The following PTCD1 variants were observed in gnomAD, a reference collection of about 807,000 sequenced individuals.
PTCD1 encodes pentatricopeptide repeat domain 1.
PTCD1 carries 50 observed loss-of-function variants against 53.4 expected under a neutral mutation model. That is an observed-to-expected ratio of 0.94 (90% CI 0.75 to 1.19). The LOEUF (loss-of-function observed/expected upper bound fraction) is 1.19, where lower values mean the gene tolerates loss of function less well. Ranked by LOEUF, PTCD1 falls within the 50% of genes most tolerant of loss-of-function variation. PTCD1 has a pLI of 0.00. For missense variants in PTCD1, 918 were observed against 904.8 expected (o/e 1.01, Z -0.19); for synonymous variants, 413 against 394.8 (o/e 1.05, Z -0.55).
chr7:99,433,719 A>G (rs1288357613), intron 2 of PTCD1, among the ~76,000 whole-genome samples: 2 of 152,200 alleles, frequency 1.3e-5, no homozygotes, highest in Admixed American at 6.5e-5. Flanking sequence ...GGCTGGGAAC[A>G]AGAGAGAGCT....
In PTCD1 at chr7:99,424,864, C is replaced by G; in HGVS notation, c.1668G>C (p.Gln556His). ...ACCCGATGGCCAGGTTGCAGAATGT[C>G]TGCAGGTTGGGGACGAGGCCCCTCT... ...LAKRGLVPNL[Q>H]TFCNLAIGCH... is the part of the protein sequence containing the mutation. Residue 556 changes from glutamine (Q) to histidine (H), a missense_variant, in exon 6 of 8, where the codon CAG (glutamine) becomes CAC (histidine). Gln to His is a conservative substitution (Grantham distance 24). Coordinates refer to ENST00000292478, the MANE Select transcript of PTCD1 (RefSeq NM_015545.4). The G allele has an allele frequency of 6.2e-7, 1 of 1,614,266 alleles. No homozygotes were observed. The highest frequency in any genetic ancestry group is 2.2e-5 in the East Asian group (1 of 44,890).
rs771063086 is a variant in PTCD1 at position 99,424,772 on chromosome 7, T to C, written c.1737+23A>G. ...GTGCTCCTGAGCACCATGGGTGTCCTGCCCAGGCCCGAGTCCACTCACCTT... is the reference window on the plus strand; with the variant it reads ...GTGCTCCTGAGCACCATGGGTGTCCCGCCCAGGCCCGAGTCCACTCACCTT... On this transcript the variant is annotated intron_variant, in intron 6 of 7. Transcript: ENST00000292478. The C allele has an allele frequency of 5.4e-5, 87 of 1,613,432 alleles. No individual in the cohort carries two copies. The South Asian group carries it at 9.4e-4, about 17-fold the overall frequency.
rs769600923 is a variant in PTCD1, at chr7:99,423,843, C to T, written c.1852G>A (p.Val618Ile). Residue 618 changes from valine (V) to isoleucine (I), a missense_variant, in exon 7 of 8, where the codon GTC becomes ATC. Transcript: ENST00000292478. ...CGGATGACCACTTCGTTCACCGGGA[C>T]CCTGTTCTGCTTCATGTCCTTCAAG... ...SILKDMKQNR[V>I]PVNEVVIRQL... 5.3e-5 allele frequency: 86 copies of T among 1,614,044 alleles called. No individual in the cohort carries two copies. Among genetic ancestry groups the T allele is most frequent in the Middle Eastern group, 1.6e-4 (1 of 6,084 alleles).
intron 5 of PTCD1, among the ~76,000 whole-genome samples, chr7:99,426,976 C>G (rs987041211): frequency 1.3e-5 from 2 of 151,338 alleles, no homozygotes; most frequent in Non-Finnish European, 2.9e-5. Flanking sequence ...GCCCCTCCGC[C>G]TGGCAGCCGC....
chr7:99,436,480 C>G (rs1796470137), intron 1 of PTCD1, among the ~76,000 whole-genome samples: 1 of 152,030 alleles, frequency 6.6e-6, no homozygotes, highest in African/African-American at 2.4e-5. Flanking sequence ...CTGGGCGTGA[C>G]AGCGTGCCCC....
intron 3 of PTCD1, among the ~76,000 whole-genome samples, chr7:99,430,616 T>C (rs1017650676): frequency 6.6e-6 from 1 of 152,134 alleles, no homozygotes; most frequent in Non-Finnish European, 1.5e-5. Context: ...AGTCCCTACT[T>C]TGAGGATGAT....
rs925841362 is a variant in PTCD1 at position 99,423,711 on chromosome 7, G to A, written c.1920+64C>T. 41 of 1,609,960 alleles carry A rather than the reference G, an allele frequency of 2.5e-5. No individual in the cohort carries two copies. The Admixed American group carries it at 5.0e-4, about 20-fold the overall frequency. On this transcript the variant is annotated intron_variant, in intron 7 of 7. Transcript: ENST00000292478. ...TCCCAAGGGCCAGAACCGGGGTTGG[G>A]TGGTGGGGGGAGGGGGTAGCAATGG... is the stretch of plus-strand genomic sequence containing the variant.
intron 5 of PTCD1, among the ~76,000 whole-genome samples, chr7:99,427,390 C>A (rs1326363357): frequency 7.0e-6 from 1 of 142,772 alleles, no homozygotes; most frequent in East Asian, 2.2e-4. Context: ...CCGCCCCGTC[C>A]GGGAGGTGAG....
chr7:99,429,900 C>T (rs1796195761), intron 3 of PTCD1, 94 bp from the exon 4 acceptor site: 6 of 1,475,594 alleles, frequency 4.1e-6, no homozygotes, highest in Non-Finnish European at 5.6e-6. Context: ...GGAGAGGACC[C>T]CGTCACTGCA....
chr7:99,426,138 T>C (rs1445388280), intron 5 of PTCD1, among the ~76,000 whole-genome samples: 27 of 105,258 alleles, frequency 2.6e-4, no homozygotes, highest in Non-Finnish European at 4.8e-4. Context: ...CCTCTCCCCA[T>C]GGTCTCCCTC....
At chr7:99,427,643 G>A (rs1796104561) in intron 5 of PTCD1, among the ~76,000 whole-genome samples, 1 of 152,220 alleles carries the variant, frequency 6.6e-6, no homozygotes, top group Non-Finnish European at 1.5e-5. Context: ...GATGACAGTG[G>A]CGGTTTTGTG....
At chr7:99,429,357 C>CT (rs1796174311) in intron 4 of PTCD1, among the ~76,000 whole-genome samples, 153 bp from the exon 5 acceptor site, 1 of 152,164 alleles carries the variant, frequency 6.6e-6, no homozygotes, top group South Asian at 2.1e-4. Flanking sequence ...TAGCAAGACC[C>CT]TGTCTCTAGG....
rs765833081 is a variant in PTCD1, at chr7:99,424,884, C to T, written c.1648G>A (p.Gly550Ser). ...KALLPVLAKR[G>S]LVPNLQTFCN... ...AATGTCTGCAGGTTGGGGACGAGGC[C>T]CCTCTTTGCCAGGACCGGCAACAGC... The change falls in exon 6 of 8, where the codon GGC (glycine) becomes AGC (serine). Residue 550 changes from glycine (G) to serine (S), a missense_variant. Gly to Ser is a moderately conservative substitution (Grantham distance 56, BLOSUM62 0). Coordinates refer to ENST00000292478, the MANE Select transcript of PTCD1 (RefSeq NM_015545.4). 9 of 1,614,148 alleles carry T rather than the reference C, an allele frequency of 5.6e-6. No homozygotes were observed. Among genetic ancestry groups the T allele is most frequent in the African/African-American group, 4.0e-5 (3 of 74,948 alleles).
rs750070645 is a variant in PTCD1, at chr7:99,419,359, T to C, written c.*608A>G. 1 of 1,611,878 alleles carries C rather than the reference T, an allele frequency of 6.2e-7. No homozygotes were observed. The highest frequency in any genetic ancestry group is 8.5e-7 in the Non-Finnish European group (1 of 1,179,548). On this transcript the variant is annotated 3_prime_UTR_variant, in exon 8 of 8. Coordinates refer to ENST00000292478, the MANE Select transcript of PTCD1 (RefSeq NM_015545.4). ...GTGTGCAGGGGCGAGCGTGGCGCAGTGGCATCGTCTCACTGTCCTCCTCCG... is the reference window on the plus strand; with the variant it reads ...GTGTGCAGGGGCGAGCGTGGCGCAGCGGCATCGTCTCACTGTCCTCCTCCG...
At chr7:99,427,418 CGCCCCTACTGGGAAGTGAGGA>C (rs1796090217) in intron 5 of PTCD1, among the ~76,000 whole-genome samples, 1 of 148,092 alleles carries the variant, frequency 6.8e-6, no homozygotes, top group South Asian at 2.1e-4. Context: ...TCTGCCCGGC[CGCCCCTACTGGGAAGTGAGGA>C]GCCCCTCTGC....
Position 99,418,337 on chromosome 7 carries a change from C to G in PTCD1, c.*1630G>C, listed in dbSNP as rs912068518. 2 of 156,456 alleles carry G rather than the reference C, an allele frequency of 1.3e-5. No homozygotes were observed. The highest frequency in any genetic ancestry group is 2.8e-5 in the Non-Finnish European group (2 of 70,560). 9.7% of individuals were successfully genotyped at this position (156,456 alleles called of 1,614,324 possible). A position where few individuals can be genotyped will look rare whatever the true frequency, so the allele number is the denominator to read the frequency against. On this transcript the variant is annotated 3_prime_UTR_variant, in exon 8 of 8. Coordinates refer to ENST00000292478, the MANE Select transcript of PTCD1 (RefSeq NM_015545.4). ...TAGGCCAGGCGCCTCAGGAGTGGTGCTGAGGGACAGGAGCTGAGCTCCATC... is the reference window on the plus strand; with the variant it reads ...TAGGCCAGGCGCCTCAGGAGTGGTGGTGAGGGACAGGAGCTGAGCTCCATC...
intron 3 of PTCD1, among the ~76,000 whole-genome samples, chr7:99,431,023 C>T (rs534484276): frequency 5.1e-4 from 78 of 151,902 alleles, no homozygotes; most frequent in African/African-American, 1.8e-3. Context: ...TGCATTGAGC[C>T]GAGGTCGCAC....
chr7:99,426,900 C>G (rs1467628608), intron 5 of PTCD1, among the ~76,000 whole-genome samples: 1 of 151,058 alleles, frequency 6.6e-6, no homozygotes, highest in Non-Finnish European at 1.5e-5. Context: ...CGTCTCTGCC[C>G]GGCCGCCCCG....
chr7:99,435,015 C>G lies in PTCD1; in HGVS notation c.228G>C (p.Thr76=), dbSNP rs147366239. ...LGSDPSHSNS[T]ATQEEDEEEE... ...CCTCCTCGTCTTCTTCCTGCGTGGC[C>G]GTGGAGTTGGAGTGGCTCGGGTCAG... is the stretch of plus-strand genomic sequence containing the variant. Residue 76 remains threonine (T), a synonymous_variant, in exon 2 of 8, where the codon ACG becomes ACC. Coordinates refer to ENST00000292478, the MANE Select transcript of PTCD1 (RefSeq NM_015545.4). 6.1e-5 allele frequency: 98 copies of G among 1,614,086 alleles called. No homozygotes were observed. The East Asian group carries it at 1.4e-3, about 23-fold the overall frequency.
Sources: allele counts gnomAD v4.1 joint callset (sites outside exome capture counted in the v4.1 genomes callset), GRCh38; gene constraint gnomAD v4.1.1; transcripts MANE v1.5; gene names NCBI Gene and HGNC (gene_info 2026-07-23, HGNC 2026-07-21).